SLC17A1: variants seen among roughly 807,000 people sequenced by gnomAD.
The protein encoded by SLC17A1 is solute carrier family 17 member 1.
A neutral mutation model predicts 53.5 loss-of-function variants in SLC17A1; 51 were observed. The observed-to-expected ratio is 0.95, with a 90% CI of 0.76 to 1.20. The LOEUF (loss-of-function observed/expected upper bound fraction) is 1.20, where lower values mean the gene tolerates loss of function less well. Among genes scored for constraint, SLC17A1 ranks in the 50% most tolerant of loss-of-function variants. SLC17A1 has a pLI of 0.00. For missense variants in SLC17A1, 538 were observed against 568.2 expected (o/e 0.95, Z 0.54); for synonymous variants, 179 against 198.8 (o/e 0.90, Z 0.84).
At chr6:25,828,269 C>T (rs1764823666) in intron 2 of SLC17A1, among the ~76,000 whole-genome samples, 1 of 152,102 alleles carries the variant, frequency 6.6e-6, no homozygotes, top group South Asian at 2.1e-4. Flanking sequence ...GCTCTTGGCT[C>T]CACCCTCTGG....
chr6:25,770,060 C>T, the SLC17A1 span: 2 of 1,612,724 alleles, frequency 1.2e-6, no homozygotes, highest in African/African-American at 2.7e-5. Flanking sequence ...CTCTCTTTGT[C>T]ATCTAGGCCC....
intron 12 of SLC17A1, among the ~76,000 whole-genome samples, chr6:25,787,834 G>T (rs1763416762): frequency 2.0e-5 from 3 of 152,118 alleles, no homozygotes; most frequent in African/African-American, 7.2e-5. Flanking sequence ...CAGTTTTCTA[G>T]CCCTTGCCCT....
At chr6:25,806,788 A>G (rs1763969981) in intron 10 of SLC17A1, among the ~76,000 whole-genome samples, 1 of 152,074 alleles carries the variant, frequency 6.6e-6, no homozygotes, top group Non-Finnish European at 1.5e-5. Flanking sequence ...ATTGACAAAG[A>G]ACTAATATCC....
At chr6:25,725,236 T>G in the SLC17A1 span, among the ~76,000 whole-genome samples, 87 of 152,338 alleles carry the variant, frequency 5.7e-4, no homozygotes, top group African/African-American at 1.9e-3. Flanking sequence ...TCAAATTATG[T>G]TCGGCCTTCT....
chr6:25,798,903 C>T lies in SLC17A1; in HGVS notation c.1286G>A (p.Trp429Ter). 6.3e-7 allele frequency: 1 copy of T among 1,585,032 alleles called. No homozygotes were observed. The highest frequency in any genetic ancestry group is 8.6e-7 in the Non-Finnish European group (1 of 1,159,480). The change falls in exon 12 of 13, where the codon TGG (tryptophan) becomes TAG (stop). Residue 429 changes from tryptophan to a stop codon, truncating the protein, a stop_gained. Transcript: ENST00000244527. LOFTEE classifies it high-confidence loss of function. ...LILKQDPESA[W>*]FKTFILMAAI... ...TGCCATCAGGATGAAGGTTTTAAAC[C>T]AGGCGGATTCCGGATCCTAAGGAAT...
At chr6:25,778,412 T>G (rs1763118762), downstream of SLC17A1, among the ~76,000 whole-genome samples, 2 of 152,068 alleles carry the variant, frequency 1.3e-5, no homozygotes, top group South Asian at 4.1e-4. Context: ...ATCAAGTCCC[T>G]TCTCTTTTCT....
At chr6:25,740,502 C>A in the SLC17A1 span, among the ~76,000 whole-genome samples, 1 of 151,718 alleles carries the variant, frequency 6.6e-6, no homozygotes, top group African/African-American at 2.4e-5. Flanking sequence ...AATAAATAAC[C>A]GTAGGGGTGG....
chr6:25,741,234 T>A, the SLC17A1 span, among the ~76,000 whole-genome samples: 10 of 152,250 alleles, frequency 6.6e-5, no homozygotes, highest in South Asian at 1.7e-3. Context: ...GATTTAATGA[T>A]TACACATTGA....
chr6:25,775,899 C>A, the SLC17A1 span, among the ~76,000 whole-genome samples: 1 of 152,124 alleles, frequency 6.6e-6, no homozygotes, highest in African/African-American at 2.4e-5. Flanking sequence ...ATCTTCATAT[C>A]AGTACATGAG....
chr6:25,732,745 G>A, the SLC17A1 span: 3 of 1,155,476 alleles, frequency 2.6e-6, no homozygotes, highest in African/African-American at 1.5e-5. Context: ...CAATGGCTTA[G>A]GGTGACGTTT....
intron 3 of SLC17A1, among the ~76,000 whole-genome samples, chr6:25,824,141 AAC>A (rs1458600001): frequency 6.6e-6 from 1 of 152,020 alleles, no homozygotes; most frequent in African/African-American, 2.4e-5. Flanking sequence ...AAACTTCTAA[AAC>A]ACAGAAAATT....
chr6:25,739,274 G>C, the SLC17A1 span, among the ~76,000 whole-genome samples: 2 of 152,136 alleles, frequency 1.3e-5, no homozygotes, highest in Non-Finnish European at 2.9e-5. Flanking sequence ...GAGATAGAAA[G>C]CAAGCTTTCT....
chr6:25,744,943 G>A, the SLC17A1 span, among the ~76,000 whole-genome samples: 2 of 152,168 alleles, frequency 1.3e-5, no homozygotes, highest in African/African-American at 4.8e-5. Context: ...TCAGCAAGTA[G>A]TTGCTCATGC....
intron 11 of SLC17A1, among the ~76,000 whole-genome samples, chr6:25,799,977 T>G (rs1424081024): frequency 6.6e-6 from 1 of 152,172 alleles, no homozygotes; most frequent in African/African-American, 2.4e-5. Context: ...AGACTCCTCT[T>G]TATGGGAAAT....
At chr6:25,818,285 G>C (rs1764429783) in intron 6 of SLC17A1, among the ~76,000 whole-genome samples, 1 of 152,130 alleles carries the variant, frequency 6.6e-6, no homozygotes, top group South Asian at 2.1e-4. Context: ...AAGGCATCCT[G>C]CTCTATAGGG....
chr6:25,821,071 A>G (rs1764542371), intron 3 of SLC17A1, among the ~76,000 whole-genome samples: 1 of 152,112 alleles, frequency 6.6e-6, no homozygotes, highest in Admixed American at 6.6e-5. Flanking sequence ...GGATAGTGGC[A>G]TTTTCTAAAC....
chr6:25,727,982 T>A, the SLC17A1 span, among the ~76,000 whole-genome samples: 32,294 of 152,070 alleles, frequency 0.21, 4,372 homozygotes, highest in Non-Finnish European at 0.3. Flanking sequence ...GTCACTGCAC[T>A]ACAGCCTGGT....
intron 10 of SLC17A1, among the ~76,000 whole-genome samples, chr6:25,809,934 C>T (rs1050783935): frequency 3.3e-5 from 5 of 151,938 alleles, no homozygotes; most frequent in African/African-American, 4.8e-5. Context: ...ACCAATGGAG[C>T]AGAATAGAGA....
chr6:25,820,974 G>C (rs1764540002), intron 3 of SLC17A1, among the ~76,000 whole-genome samples: 1 of 151,842 alleles, frequency 6.6e-6, no homozygotes, highest in Non-Finnish European at 1.5e-5. Flanking sequence ...GAGGGACGAG[G>C]TTGCACAAGT....
Sources: allele counts gnomAD v4.1 joint callset (sites outside exome capture counted in the v4.1 genomes callset), GRCh38; gene constraint gnomAD v4.1.1; transcripts MANE v1.5; gene names NCBI Gene and HGNC (gene_info 2026-07-23, HGNC 2026-07-21).